MOBP: variants seen among roughly 807,000 people sequenced by gnomAD.
MOBP encodes the protein myelin associated oligodendrocyte basic protein.
Under a neutral mutation model 15.0 loss-of-function variants are expected in MOBP, and 5 were observed. The ratio of observed to expected loss-of-function variants is 0.33; its 90% CI spans 0.17 to 0.70. The LOEUF (loss-of-function observed/expected upper bound fraction) is 0.70, where lower values mean the gene tolerates loss of function less well. Among genes scored for constraint, MOBP ranks in the 30% least tolerant of loss-of-function variants. The pLI, the probability that MOBP is intolerant of heterozygous loss-of-function variation, is 0.67. For synonymous variants in MOBP, 88 were observed against 99.0 expected (o/e 0.89, Z 0.66); for missense variants, 188 against 257.8 (o/e 0.73, Z 1.85).
intron 2 of MOBP, among the ~76,000 whole-genome samples, chr3:39,492,167 CT>C (rs1442509521): frequency 2.0e-5 from 3 of 152,174 alleles, no homozygotes; most frequent in African/African-American, 7.2e-5. Flanking sequence ...GAATAGGAGG[CT>C]ACTGAGTCAG....
chr3:39,495,748 G>GT (rs1242969940), intron 2 of MOBP, among the ~76,000 whole-genome samples: 2 of 93,154 alleles, frequency 2.1e-5, no homozygotes, highest in African/African-American at 8.8e-5. Context: ...GTGAGACCTT[G>GT]TCAAAAAAAA....
At position 39,502,924 on chromosome 3, in the gene MOBP, T is replaced by G; in HGVS notation, c.*44T>G. On this transcript the variant is annotated 3_prime_UTR_variant, in exon 4 of 4. Transcript: ENST00000684792. This position sits in a 1 kb window ranked among gnomAD's most constrained non-coding sequence, Gnocchi z 6.3. ...GTTCCCCAGCCCTAAGGTTAGTAGTTGCTTCCTGTGTTTACTAACACCGGG... is the reference window on the plus strand; with the variant it reads ...GTTCCCCAGCCCTAAGGTTAGTAGTGGCTTCCTGTGTTTACTAACACCGGG... 1 of 896,462 alleles carries G rather than the reference T, an allele frequency of 1.1e-6. No homozygotes were observed. The highest frequency in any genetic ancestry group is 1.7e-6 in the Non-Finnish European group (1 of 604,146). 55.5% of individuals were successfully genotyped at this position (896,462 alleles called of 1,614,324 possible). A position where few individuals can be genotyped will look rare whatever the true frequency, so the allele number is the denominator to read the frequency against.
exon 5 of MOBP, chr3:39,513,640 G>A (rs2043151085): frequency 1.8e-6 from 1 of 559,660 alleles, no homozygotes; most frequent in Admixed American, 3.4e-5. Flanking sequence ...TTGTACTCCA[G>A]TCAGGGGGTT....
chr3:39,512,323 T>G (rs2043130263), intron 4 of MOBP, among the ~76,000 whole-genome samples: 1 of 152,204 alleles, frequency 6.6e-6, no homozygotes, highest in African/African-American at 2.4e-5. Flanking sequence ...GCACCTGGGT[T>G]TTATATTCAG....
chr3:39,526,805 T>C (rs1225130564), downstream of MOBP: 1 of 149,732 alleles, frequency 6.7e-6, no homozygotes. Context: ...AGATGGAGTT[T>C]CACTCTTGTT....
intron 3 of MOBP, among the ~76,000 whole-genome samples, chr3:39,521,739 C>T (rs543972115): frequency 4.1e-4 from 62 of 152,112 alleles, no homozygotes; most frequent in African/African-American, 1.4e-3. Flanking sequence ...TGAAAATGTC[C>T]GACTAAAAAG....
chr3:39,491,913 T>G (rs1446969540), intron 2 of MOBP, among the ~76,000 whole-genome samples: 3 of 152,094 alleles, frequency 2.0e-5, no homozygotes, highest in Non-Finnish European at 4.4e-5. Flanking sequence ...TTTAAAATTT[T>G]TTGTGTGTGT....
intron 1 of MOBP, among the ~76,000 whole-genome samples, chr3:39,475,129 C>CT (rs2042527650): frequency 6.6e-6 from 1 of 152,044 alleles, no homozygotes; most frequent in Non-Finnish European, 1.5e-5. Flanking sequence ...GACCTTTAGA[C>CT]TTTTTAAAAA....
intron 1 of MOBP, among the ~76,000 whole-genome samples, chr3:39,473,006 A>T (rs926009801): frequency 3.3e-5 from 5 of 152,072 alleles, no homozygotes; most frequent in Non-Finnish European, 5.9e-5. Flanking sequence ...AGTCTTGTGG[A>T]TAGGGGTTAA....
intron 4 of MOBP, among the ~76,000 whole-genome samples, chr3:39,512,990 G>C (rs1283425780): frequency 6.6e-6 from 1 of 152,170 alleles, no homozygotes; most frequent in East Asian, 1.9e-4. Flanking sequence ...AATTTTATAA[G>C]TGCATATACT....
At chr3:39,481,679 C>T (rs1179149128) in intron 2 of MOBP, among the ~76,000 whole-genome samples, 2 of 152,166 alleles carry the variant, frequency 1.3e-5, no homozygotes, top group African/African-American at 2.4e-5. Context: ...CCTATAGTTT[C>T]TCTGTCTATC....
At chr3:39,477,896 T>C (rs1307642726) in intron 1 of MOBP, among the ~76,000 whole-genome samples, 2 of 151,990 alleles carry the variant, frequency 1.3e-5, no homozygotes, top group African/African-American at 4.8e-5. Flanking sequence ...AGAATAAGAA[T>C]ATAAAGACAA....
At chr3:39,526,802 G>GT (rs1553620955), downstream of MOBP, 2 of 125,396 alleles carry the variant, frequency 1.6e-5, no homozygotes, top group African/African-American at 3.0e-5. Flanking sequence ...TTGAGATGGA[G>GT]TTTCACTCTT....
At chr3:39,485,942 TA>T (rs10713484) in intron 2 of MOBP, among the ~76,000 whole-genome samples, 45,361 of 152,104 alleles carry the variant, frequency 0.3, 9,155 homozygotes, top group African/African-American at 0.57. Context: ...GTCTACTTTT[TA>T]AAAAAATGTA....
In MOBP at chr3:39,502,026, T is replaced by C. The variant is rs576770930; in HGVS notation, c.-4-40T>C. The C allele has an allele frequency of 2.4e-5, 37 of 1,565,842 alleles. No homozygotes were observed. The South Asian group carries it at 3.4e-4, about 15-fold the overall frequency. ...AGAGGGCTCCCTTTCCTGATGTGCGTTTATGTCTCCTCCTGTCTCCTTGCA... is the reference window on the plus strand; with the variant it reads ...AGAGGGCTCCCTTTCCTGATGTGCGCTTATGTCTCCTCCTGTCTCCTTGCA... On this transcript the variant is annotated intron_variant, in intron 2 of 3. Coordinates refer to ENST00000684792, the MANE Select transcript of MOBP (RefSeq NM_001393704.1). The surrounding 1 kb of genome is among the most constrained non-coding windows in gnomAD (Gnocchi z 6.3).
At chr3:39,528,995 A>G (rs2043362374), downstream of MOBP, 1 of 152,140 alleles carries the variant, frequency 6.6e-6, no homozygotes, top group Admixed American at 6.6e-5. Context: ...TGTTATTTTT[A>G]TTACCACGTG....
chr3:39,521,769 C>G (rs574921016), intron 3 of MOBP, among the ~76,000 whole-genome samples: 2 of 152,326 alleles, frequency 1.3e-5, no homozygotes, highest in East Asian at 3.9e-4. Context: ...CGAACCATAA[C>G]TTTTGATGCC....
chr3:39,490,670 C>T (rs991081099), intron 2 of MOBP, among the ~76,000 whole-genome samples: 1 of 152,170 alleles, frequency 6.6e-6, no homozygotes, highest in Non-Finnish European at 1.5e-5. Context: ...TCAAGCGATT[C>T]TCATGCCTTG....
chr3:39,488,465 C>T (rs2125639818), intron 2 of MOBP, among the ~76,000 whole-genome samples: 1 of 152,282 alleles, frequency 6.6e-6, no homozygotes, highest in Middle Eastern at 3.4e-3. Context: ...GACATTCAGT[C>T]TGTCTGCATG....
Sources: gnomAD v4.1 joint callset for allele counts (sites outside exome capture counted in the v4.1 genomes callset) on GRCh38, gnomAD v4.1.1 for gene constraint, Gnocchi (gnomAD v3.1) non-coding constraint, MANE v1.5 for transcripts, NCBI Gene and HGNC (gene_info 2026-07-23, HGNC 2026-07-21) for gene names.